Variants in RNF13 observed in about 807,000 individuals in gnomAD.
The protein encoded by RNF13 is E3 ubiquitin-protein ligase RNF13.
Under a neutral mutation model 37.7 loss-of-function variants are expected in RNF13, and 19 were observed. That is an observed-to-expected ratio of 0.50 (90% CI 0.35 to 0.74). The LOEUF (loss-of-function observed/expected upper bound fraction) is 0.74. Ranked by LOEUF, RNF13 falls within the 30% of genes least tolerant of loss-of-function variation. RNF13 has a pLI of 0.01. For synonymous variants in RNF13, 144 were observed against 157.8 expected (o/e 0.91, Z 0.65); for missense variants, 375 against 453.0 (o/e 0.83, Z 1.56).
chr3:149,933,306 C>G (rs1356341084), intron 8 of RNF13, among the ~76,000 whole-genome samples: 3 of 147,944 alleles, frequency 2.0e-5, no homozygotes, highest in Admixed American at 2.0e-4. Context: ...GCACTTGGCT[C>G]TTTTTTAGTA....
intron 1 of RNF13, among the ~76,000 whole-genome samples, chr3:149,819,658 A>C (rs1015517392): frequency 2.0e-5 from 3 of 152,216 alleles, no homozygotes; most frequent in Admixed American, 6.5e-5. Context: ...TTACAGAGAA[A>C]AAGACTGGAG....
At chr3:149,941,530 GTTTTTTTTTTT>G (rs61171032) in intron 8 of RNF13, among the ~76,000 whole-genome samples, 2 of 144,408 alleles carry the variant, frequency 1.4e-5, no homozygotes, top group Non-Finnish European at 3.0e-5. Context: ...TTTAAATTAG[GTTTTTTTTTTT>G]TTTTTTTTTT....
intron 1 of RNF13, 62 bp from the exon 2 acceptor site, chr3:149,845,949 C>G: frequency 3.7e-6 from 3 of 821,096 alleles, no homozygotes; most frequent in Admixed American, 4.6e-5. Flanking sequence ...ATTAATATAT[C>G]AAATGATCTA....
At chr3:149,901,040 G>A (rs903375902) in intron 5 of RNF13, among the ~76,000 whole-genome samples, 1 of 152,130 alleles carries the variant, frequency 6.6e-6, no homozygotes, top group Non-Finnish European at 1.5e-5. Flanking sequence ...GACTGTATGA[G>A]GGAATTTTGG....
At chr3:149,837,090 T>C (rs1051346962) in intron 1 of RNF13, among the ~76,000 whole-genome samples, 1 of 152,208 alleles carries the variant, frequency 6.6e-6, no homozygotes, top group African/African-American at 2.4e-5. Flanking sequence ...GTGAATATAG[T>C]TAATGTTACT....
At chr3:149,838,453 A>T (rs907582835) in intron 1 of RNF13, among the ~76,000 whole-genome samples, 17 of 152,316 alleles carry the variant, frequency 1.1e-4, no homozygotes, top group African/African-American at 4.1e-4. Context: ...GCATTTCCAT[A>T]CAGATTCTGT....
At chr3:149,959,403 A>G in intron 8 of RNF13, among the ~76,000 whole-genome samples, 1 of 85,016 alleles carries the variant, frequency 1.2e-5, no homozygotes, top group South Asian at 4.1e-4. Flanking sequence ...GAATTAATAA[A>G]TTTCTATGAT....
intron 1 of RNF13, among the ~76,000 whole-genome samples, chr3:149,824,376 G>A (rs113232467): frequency 7.2e-5 from 11 of 152,218 alleles, no homozygotes; most frequent in African/African-American, 2.7e-4. Flanking sequence ...TGTGGGCCCA[G>A]TGTAATCACA....
At chr3:149,936,887 G>A (rs1719743760) in intron 8 of RNF13, among the ~76,000 whole-genome samples, 1 of 152,060 alleles carries the variant, frequency 6.6e-6, no homozygotes, top group Admixed American at 6.6e-5. Context: ...CTTAGACTTA[G>A]ATCACTGCCT....
Position 149,935,591 on chromosome 3 carries a change from A to G in RNF13, c.700+14364A>G, listed in dbSNP as rs146649280. On this transcript the variant is annotated intron_variant, in intron 8 of 9. Coordinates refer to ENST00000392894, the MANE Select transcript of RNF13 (RefSeq NM_183381.3). ...GTGGTTACTATGAGGCTTACAAAAA[A>G]CATCTTATAAGTTATTCTGAATATA... Among the ~76,000 whole-genome samples the G allele has an allele frequency of 6.2e-3, 943 of 152,312 alleles. 3 individuals are homozygous for G. Among genetic ancestry groups the G allele is most frequent in the Non-Finnish European group, 9.3e-3 (633 of 68,016 alleles).
At position 149,823,744 on chromosome 3, in the gene RNF13, G is replaced by A. The variant is rs1720221010; in HGVS notation, c.-17+10391G>A. Among the ~76,000 whole-genome samples the A allele has an allele frequency of 2.0e-5, 3 of 152,066 alleles. No homozygotes were observed. The South Asian group carries it at 6.2e-4, about 31-fold the overall frequency. The stretch of plus-strand genomic sequence containing the variant: ...CTTTGTTATAATTTCAAGTAAAAAA[G>A]CATACAAATCATAATACAATATGAT... On this transcript the variant is annotated intron_variant, in intron 1 of 9. Transcript: ENST00000392894.
chr3:149,903,936 T>A (rs939837577), intron 6 of RNF13, among the ~76,000 whole-genome samples: 9 of 140,096 alleles, frequency 6.4e-5, no homozygotes, highest in Admixed American at 2.2e-4. Flanking sequence ...TATATCTGTC[T>A]ATCTGTCTGT....
At chr3:149,858,657 G>A (rs1723902148) in intron 3 of RNF13, among the ~76,000 whole-genome samples, 1 of 152,162 alleles carries the variant, frequency 6.6e-6, no homozygotes, top group Non-Finnish European at 1.5e-5. Flanking sequence ...ATGTTGAAGA[G>A]GAAGAAGATA....
At chr3:149,830,959 G>A (rs1009399547) in intron 1 of RNF13, among the ~76,000 whole-genome samples, 24 of 152,248 alleles carry the variant, frequency 1.6e-4, no homozygotes, top group Non-Finnish European at 3.2e-4. Flanking sequence ...GCTTCAGAGG[G>A]TGCAAACCCC....
chr3:149,829,723 A>T (rs1054798304), intron 1 of RNF13, among the ~76,000 whole-genome samples: 1 of 152,242 alleles, frequency 6.6e-6, no homozygotes, highest in African/African-American at 2.4e-5. Flanking sequence ...CTTCTGATCC[A>T]GTGTTTTTAA....
chr3:149,888,233 T>C (rs1032582466), intron 4 of RNF13, among the ~76,000 whole-genome samples: 1 of 152,242 alleles, frequency 6.6e-6, no homozygotes, highest in African/African-American at 2.4e-5. Context: ...ATTTTTATTC[T>C]GCACGCATTA....
chr3:149,871,973 A>G, intron 3 of RNF13, 56 bp from the exon 4 acceptor site: 6 of 1,438,916 alleles, frequency 4.2e-6, no homozygotes, highest in Non-Finnish European at 5.6e-6. Context: ...TGTAGAAGTA[A>G]GTTGATTGAT....
chr3:149,889,303 G>GTA (rs1317262220), intron 4 of RNF13, among the ~76,000 whole-genome samples: 3 of 148,466 alleles, frequency 2.0e-5, no homozygotes, highest in African/African-American at 7.5e-5. Flanking sequence ...GTGTGTGTGT[G>GTA]TGTGTGTGTG....
At chr3:149,903,570 G>A (rs557803697) in intron 6 of RNF13, among the ~76,000 whole-genome samples, 13 of 151,844 alleles carry the variant, frequency 8.6e-5, no homozygotes, top group Non-Finnish European at 1.9e-4. Flanking sequence ...GGAACCATAC[G>A]GTGCCTAATA....
Sources: gnomAD v4.1 joint callset for allele counts (sites outside exome capture counted in the v4.1 genomes callset) on GRCh38, gnomAD v4.1.1 for gene constraint, MANE v1.5 for transcripts, NCBI Gene and HGNC (gene_info 2026-07-23, HGNC 2026-07-21) for gene names.